The following RMND1 variants were observed in gnomAD, a reference collection of about 807,000 sequenced individuals.
The protein encoded by RMND1 is required for meiotic nuclear division protein 1 homolog.
RMND1 carries 41 observed loss-of-function variants against 54.0 expected under a neutral mutation model. That is an observed-to-expected ratio of 0.76 (90% CI 0.59 to 0.98). The LOEUF (loss-of-function observed/expected upper bound fraction) is 0.98, where lower values mean the gene tolerates loss of function less well. Ranked by LOEUF, RMND1 falls within the 50% of genes least tolerant of loss-of-function variation. The pLI is 0.00. For synonymous variants in RMND1, 183 were observed against 181.7 expected, an observed-to-expected ratio of 1.01 and a Z score of -0.06; for missense variants, 457 against 532.0, an observed-to-expected ratio of 0.86 and a Z score of 1.39.
rs774486861 is a variant in RMND1 at position 151,445,699 on chromosome 6, T to A, written c.113A>T (p.Asn38Ile). 1.2e-6 allele frequency: 2 copies of A among 1,614,166 alleles called. No individual in the cohort carries two copies. Among genetic ancestry groups the A allele is most frequent in the Non-Finnish European group, 1.7e-6 (2 of 1,180,038 alleles). The change falls in exon 2 of 12, where the codon AAT becomes ATT. Residue 38 changes from asparagine (N) to isoleucine (I), a missense_variant. By Grantham distance (149) the Asn-to-Ile change is moderately radical. Coordinates refer to ENST00000444024, the MANE Select transcript of RMND1 (RefSeq NM_017909.4). ...TATTGTCAGTGTGCTGCATGTTGTA[T>A]TTTCAAATTCCTTAAGTGGTTTTAA... The part of the protein sequence containing the change: ...LMLKPLKEFE[N>I]TTCSTLTIRQ...
intron 1 of RMND1, among the ~76,000 whole-genome samples, chr6:151,450,563 G>A (rs1199724463): frequency 3.5e-5 from 5 of 142,998 alleles, no homozygotes; most frequent in East Asian, 2.2e-4. Flanking sequence ...CAGCCGCCCC[G>A]TCCGGGAGGG....
At chr6:151,429,134 T>A (rs2114948024) in intron 5 of RMND1, among the ~76,000 whole-genome samples, 1 of 152,044 alleles carries the variant, frequency 6.6e-6, no homozygotes, top group East Asian at 1.9e-4. Flanking sequence ...TTTTTTTTTT[T>A]TTTGAAGACA....
intron 10 of RMND1, among the ~76,000 whole-genome samples, chr6:151,415,548 T>G (rs538113674): frequency 2.8e-4 from 43 of 152,134 alleles, no homozygotes; most frequent in Non-Finnish European, 5.4e-4. Flanking sequence ...GGCATTATGC[T>G]CTGTGAAAAA....
intron 10 of RMND1, among the ~76,000 whole-genome samples, chr6:151,407,468 C>T (rs987203779): frequency 2.6e-5 from 4 of 152,118 alleles, no homozygotes; most frequent in Non-Finnish European, 5.9e-5. Context: ...ACATTTTCTT[C>T]CTCCACTACC....
At chr6:151,448,822 C>A (rs1029335921) in intron 1 of RMND1, among the ~76,000 whole-genome samples, 2 of 152,192 alleles carry the variant, frequency 1.3e-5, no homozygotes, top group African/African-American at 4.8e-5. Context: ...GGCATGGCGG[C>A]TCACGCCTGT....
At chr6:151,412,934 A>G (rs1438160601) in intron 10 of RMND1, among the ~76,000 whole-genome samples, 2 of 152,194 alleles carry the variant, frequency 1.3e-5, no homozygotes, top group Non-Finnish European at 2.9e-5. Flanking sequence ...CCCACCTCCA[A>G]CACGGGCATT....
At chr6:151,413,082 A>C (rs946778946) in intron 10 of RMND1, among the ~76,000 whole-genome samples, 1 of 152,192 alleles carries the variant, frequency 6.6e-6, no homozygotes, top group Admixed American at 6.5e-5. Flanking sequence ...TGAGGAACTG[A>C]GGCCTCAATC....
chr6:151,417,648 A>G (rs1780043941), intron 9 of RMND1, among the ~76,000 whole-genome samples: 1 of 152,000 alleles, frequency 6.6e-6, no homozygotes, highest in African/African-American at 2.4e-5. Context: ...GTGGCATTGC[A>G]TGTGGCTGAA....
Position 151,436,562 on chromosome 6 carries a change from A to T in RMND1, c.505-8T>A. On this transcript the variant is annotated splice_region_variant and splice_polypyrimidine_tract_variant and intron_variant, in intron 2 of 11. Coordinates refer to ENST00000444024, the MANE Select transcript of RMND1 (RefSeq NM_017909.4). ...TGTGCAGTGCATTAGGTCCTGTTCC[A>T]GGGAAATGAGCATAACATGGGTTAC... 1.9e-6 allele frequency: 3 copies of T among 1,613,122 alleles called. No individual in the cohort carries two copies. Among genetic ancestry groups the T allele is most frequent in the Non-Finnish European group, 2.5e-6 (3 of 1,179,324 alleles).
At chr6:151,446,306 T>C (rs1374187467) in intron 1 of RMND1, among the ~76,000 whole-genome samples, 1 of 151,934 alleles carries the variant, frequency 6.6e-6, no homozygotes, top group Non-Finnish European at 1.5e-5. Context: ...TGGCAGCTCA[T>C]GCCTGTAGTC....
chr6:151,411,681 C>A (rs1372229992), intron 10 of RMND1: 1 of 152,108 alleles, frequency 6.6e-6, no homozygotes, highest in Non-Finnish European at 1.5e-5. Context: ...ATAAAAAATG[C>A]CACCCAGGTA....
At chr6:151,430,079 TAAC>T in intron 5 of RMND1, 56 bp downstream of exon 5, 1 of 1,101,462 alleles carries the variant, frequency 9.1e-7, no homozygotes, top group Non-Finnish European at 1.4e-6. Flanking sequence ...ATGTGCTAAT[TAAC>T]AATTCATTCT....
chr6:151,419,749 T>G (rs1444214133), intron 9 of RMND1, among the ~76,000 whole-genome samples: 1 of 151,230 alleles, frequency 6.6e-6, no homozygotes, highest in Non-Finnish European at 1.5e-5. Context: ...TAGAGAAGGA[T>G]TCAGAAAAAT....
Position 151,430,173 on chromosome 6 carries a change from C to T in RMND1, c.694G>A (p.Gly232Arg). ...DPGTIFFFREGAAVFWNVKDK... is the reference protein window; with the variant it reads ...DPGTIFFFRERAAVFWNVKDK... ...TTCACATTCCAAAACACAGCAGCTC[C>T]TTCCCTGATTTAAAAAAATAAAAGA... Residue 232 changes from glycine (G) to arginine (R), a missense_variant, in exon 5 of 12, where the codon GGA (glycine) becomes AGA (arginine). Physicochemically the swap from Gly to Arg is moderately radical, Grantham distance 125. Coordinates refer to ENST00000444024, the MANE Select transcript of RMND1 (RefSeq NM_017909.4). 6.3e-7 allele frequency: 1 copy of T among 1,597,864 alleles called. No homozygotes were observed. The highest frequency in any genetic ancestry group is 8.6e-7 in the Non-Finnish European group (1 of 1,167,138).
At position 151,405,283 on chromosome 6, in the gene RMND1, G is replaced by A. The variant is rs1313694061; in HGVS notation, c.1318-16C>T. Reference sequence around the variant, plus strand: ...CAAACATTACCTTAGAATAGAAAGTGAGAATTATTTCATGACGGGCAAATT... The same window carrying A: ...CAAACATTACCTTAGAATAGAAAGTAAGAATTATTTCATGACGGGCAAATT... On this transcript the variant is annotated splice_polypyrimidine_tract_variant and intron_variant, in intron 11 of 11. Transcript: ENST00000444024. The A allele has an allele frequency of 6.2e-7, 1 of 1,610,504 alleles. No individual in the cohort carries two copies. The highest frequency in any genetic ancestry group is 1.3e-5 in the African/African-American group (1 of 74,782).
intron 10 of RMND1, 51 bp from the exon 11 acceptor site, chr6:151,405,887 A>G: frequency 1.1e-6 from 1 of 939,568 alleles, no homozygotes; most frequent in South Asian, 1.4e-5. Flanking sequence ...TAATACGGTC[A>G]TACACATAAA....
At chr6:151,433,944 C>A (rs1039233243) in intron 3 of RMND1, among the ~76,000 whole-genome samples, 1 of 115,978 alleles carries the variant, frequency 8.6e-6, no homozygotes, top group Non-Finnish European at 1.7e-5. Flanking sequence ...AAGGGACCCC[C>A]CCCCGCCCCA....
intron 10 of RMND1, among the ~76,000 whole-genome samples, chr6:151,409,911 T>C (rs1244496181): frequency 6.6e-6 from 1 of 152,154 alleles, no homozygotes; most frequent in Non-Finnish European, 1.5e-5. Flanking sequence ...CTAGTTTCTG[T>C]CCCATGACAC....
At chr6:151,442,285 C>CAAT (rs57828786) in intron 2 of RMND1, among the ~76,000 whole-genome samples, 33,573 of 151,974 alleles carry the variant, frequency 0.22, 4,107 homozygotes, top group African/African-American at 0.34. Flanking sequence ...GCTTACACAC[C>CAAT]AATTGCCACA....
Sources: gnomAD v4.1 joint callset for allele counts (sites outside exome capture counted in the v4.1 genomes callset) on GRCh38, gnomAD v4.1.1 for gene constraint, MANE v1.5 for transcripts, NCBI Gene and HGNC (gene_info 2026-07-23, HGNC 2026-07-21) for gene names.